NLGN1: variants seen among roughly 807,000 people sequenced by gnomAD.
NLGN1 encodes the protein neuroligin-1.
Under a neutral mutation model 65.5 loss-of-function variants are expected in NLGN1, and 12 were observed. The ratio of observed to expected loss-of-function variants is 0.18; its 90% CI spans 0.12 to 0.30. The LOEUF (loss-of-function observed/expected upper bound fraction) is 0.30, where lower values mean the gene tolerates loss of function less well. NLGN1 is among the 10% of genes least tolerant of loss of function. The probability of loss-of-function intolerance (pLI) is 1.00; values close to 1 mark genes in which losing one functional copy is unlikely to be tolerated. For missense variants in NLGN1, 750 were observed against 1,007.1 expected (o/e 0.74, Z 3.46); for synonymous variants, 350 against 359.5 (o/e 0.97, Z 0.30).
intron 4 of NLGN1, among the ~76,000 whole-genome samples, chr3:174,253,317 C>G (rs921940939): frequency 5.3e-5 from 8 of 152,072 alleles, no homozygotes; most frequent in African/African-American, 1.9e-4. Context: ...TCACTTCAAC[C>G]CACAGCATCT....
chr3:173,755,143 T>C (rs1394885164), intron 3 of NLGN1, among the ~76,000 whole-genome samples: 1 of 152,114 alleles, frequency 6.6e-6, no homozygotes, highest in Non-Finnish European at 1.5e-5. Flanking sequence ...GTTTGGCAAT[T>C]TTGTTCAGTT....
intron 4 of NLGN1, among the ~76,000 whole-genome samples, chr3:174,130,315 A>C (rs1008788049): frequency 3.9e-5 from 6 of 152,190 alleles, no homozygotes; most frequent in Non-Finnish European, 5.9e-5. Context: ...CAGAGGTTGC[A>C]GTGAGCCGAG....
chr3:174,028,606 A>G (rs1296759833), intron 4 of NLGN1, among the ~76,000 whole-genome samples: 2 of 152,162 alleles, frequency 1.3e-5, no homozygotes, highest in African/African-American at 4.8e-5. Context: ...GTTCACAGAG[A>G]TATGGTTTGG....
chr3:174,129,225 G>A (rs1051144231), intron 4 of NLGN1, among the ~76,000 whole-genome samples: 2 of 151,818 alleles, frequency 1.3e-5, no homozygotes, highest in African/African-American at 4.8e-5. Context: ...AAGTGTTGAG[G>A]CCCAAACGAT....
intron 3 of NLGN1, among the ~76,000 whole-genome samples, chr3:173,687,354 A>G (rs1257108068): frequency 6.6e-6 from 1 of 152,244 alleles, no homozygotes; most frequent in Non-Finnish European, 1.5e-5. Context: ...CTTATTATGT[A>G]CATGCGTGGG....
intron 4 of NLGN1, among the ~76,000 whole-genome samples, chr3:174,174,792 C>T (rs1001150148): frequency 2.0e-5 from 3 of 151,896 alleles, no homozygotes; most frequent in Admixed American, 2.0e-4. Flanking sequence ...TAGCTGTAAA[C>T]TCCTCCCTTA....
intron 2 of NLGN1, among the ~76,000 whole-genome samples, chr3:173,507,551 A>G (rs2149083057): frequency 6.6e-6 from 1 of 152,250 alleles, no homozygotes; most frequent in South Asian, 2.1e-4. Flanking sequence ...GCAAATTAGC[A>G]AGTAATCATT....
At chr3:173,853,254 T>C (rs1213187794) in intron 4 of NLGN1, among the ~76,000 whole-genome samples, 1 of 152,204 alleles carries the variant, frequency 6.6e-6, no homozygotes, top group African/African-American at 2.4e-5. Flanking sequence ...TTGTAGCATA[T>C]GGAAAACATA....
At chr3:174,038,642 A>G (rs1353260284) in intron 4 of NLGN1, among the ~76,000 whole-genome samples, 1 of 152,116 alleles carries the variant, frequency 6.6e-6, no homozygotes, top group Non-Finnish European at 1.5e-5. Flanking sequence ...CTCTAAGGTT[A>G]CCCCCCTGAG....
chr3:173,726,950 A>G (rs1771903203), intron 3 of NLGN1, among the ~76,000 whole-genome samples: 1 of 151,890 alleles, frequency 6.6e-6, no homozygotes, highest in Non-Finnish European at 1.5e-5. Context: ...CAAAAAAAAA[A>G]AAAGAAGAAG....
intron 1 of NLGN1, among the ~76,000 whole-genome samples, chr3:173,429,610 T>A (rs1250960497): frequency 6.6e-6 from 1 of 152,198 alleles, no homozygotes; most frequent in African/African-American, 2.4e-5. Flanking sequence ...GTCTTTGCTG[T>A]CTGCCTTGGT....
chr3:174,061,868 G>T (rs529594449), intron 4 of NLGN1, among the ~76,000 whole-genome samples: 1 of 152,078 alleles, frequency 6.6e-6, no homozygotes, highest in Non-Finnish European at 1.5e-5. Flanking sequence ...TAAAAGTGCA[G>T]CAGTTGATTG....
At chr3:174,271,234 A>G (rs1749336490) in intron 4 of NLGN1, among the ~76,000 whole-genome samples, 1 of 151,902 alleles carries the variant, frequency 6.6e-6, no homozygotes, top group African/African-American at 2.4e-5. Flanking sequence ...GCACAGCTAC[A>G]GTACAGAATC....
chr3:173,482,151 G>A (rs13319404), intron 2 of NLGN1, among the ~76,000 whole-genome samples: 1,836 of 151,916 alleles, frequency 0.012, 35 homozygotes, highest in African/African-American at 0.043. Flanking sequence ...GGTCCTCCAT[G>A]TGTTATTTTT....
chr3:174,007,891 G>A (rs1361979855), intron 4 of NLGN1, among the ~76,000 whole-genome samples: 1 of 152,056 alleles, frequency 6.6e-6, no homozygotes, highest in Admixed American at 6.6e-5. Flanking sequence ...TGTAGCAATT[G>A]TGAATTGCTG....
chr3:173,705,116 C>T (rs1380485319), intron 3 of NLGN1, among the ~76,000 whole-genome samples: 2 of 151,916 alleles, frequency 1.3e-5, no homozygotes, highest in Non-Finnish European at 2.9e-5. Flanking sequence ...TATGCATGTA[C>T]AAATCAATAT....
chr3:174,290,621 A>G (rs187143962), downstream of NLGN1, among the ~76,000 whole-genome samples: 20 of 151,158 alleles, frequency 1.3e-4, no homozygotes, highest in African/African-American at 4.4e-4. Flanking sequence ...TTAAATGACT[A>G]TAAGCACATA....
chr3:173,699,924 G>C (rs764391244), intron 3 of NLGN1, among the ~76,000 whole-genome samples: 1 of 152,206 alleles, frequency 6.6e-6, no homozygotes, highest in Non-Finnish European at 1.5e-5. Context: ...TCTGGTCACA[G>C]AGGTACTATT....
chr3:173,922,880 C>T (rs1168911806), intron 4 of NLGN1, among the ~76,000 whole-genome samples: 1 of 152,068 alleles, frequency 6.6e-6, no homozygotes, highest in East Asian at 1.9e-4. Flanking sequence ...ACTCTTTATT[C>T]TTCAGTTTCT....
Sources: gnomAD v4.1 joint callset for allele counts (sites outside exome capture counted in the v4.1 genomes callset) on GRCh38, gnomAD v4.1.1 for gene constraint, MANE v1.5 for transcripts, NCBI Gene and HGNC (gene_info 2026-07-23, HGNC 2026-07-21) for gene names.